Variants in PCNX4 observed in about 807,000 individuals in gnomAD.
PCNX4 encodes pecanex 4.
A neutral mutation model predicts 107.2 loss-of-function variants in PCNX4; 103 were observed. That is an observed-to-expected ratio of 0.96 (90% confidence interval 0.82 to 1.13). PCNX4 has a LOEUF of 1.13. PCNX4 is among the 50% of genes most tolerant of loss of function. The probability of loss-of-function intolerance (pLI) is 0.00; values close to 1 mark genes in which losing one functional copy is unlikely to be tolerated. For missense variants in PCNX4, 1,528 were observed against 1,379.4 expected (o/e 1.11, Z -1.71); for synonymous variants, 541 against 481.7 (o/e 1.12, Z -1.61).
At chr14:60,103,392 T>C (rs1228901045) in intron 1 of PCNX4, among the ~76,000 whole-genome samples, 1 of 152,238 alleles carries the variant, frequency 6.6e-6, no homozygotes, top group Non-Finnish European at 1.5e-5. Flanking sequence ...TTTAGTCTGC[T>C]GATATCCATT....
rs761010410 is a variant in PCNX4, at chr14:60,134,049, G to T, written c.3347G>T (p.Gly1116Val). The part of the protein sequence containing the change: ...VGKLNPEAVR[G>V]QWANLSWELL... ...AAGTTAAATCCTGAAGCTGTTAGAG[G>T]TCAGTGGGCCAATCTTTCATGGGAA... The change falls in exon 11 of 11, where the codon GGT becomes GTT. Residue 1116 changes from glycine to valine, a missense_variant. Coordinates refer to ENST00000406854, the MANE Select transcript of PCNX4 (RefSeq NM_001330177.2). 1 of 1,613,828 alleles carries T rather than the reference G, an allele frequency of 6.2e-7. No homozygotes were observed.
chr14:60,124,075 G>A (rs1896002494), intron 8 of PCNX4, 143 bp from the exon 9 acceptor site: 2 of 602,140 alleles, frequency 3.3e-6, no homozygotes, highest in Non-Finnish European at 5.5e-6. Flanking sequence ...CTTTAAGTCA[G>A]GATGTTGCTC....
In PCNX4 at chr14:60,114,974, G is replaced by T; in HGVS notation, c.870G>T (p.Arg290=). The T allele has an allele frequency of 6.3e-7, 1 of 1,591,202 alleles. No individual in the cohort carries two copies. Among genetic ancestry groups the T allele is most frequent in the Non-Finnish European group, 8.6e-7 (1 of 1,169,576 alleles). The change falls in exon 4 of 11, where the codon CGG becomes CGT. Residue 290 remains arginine, a splice_region_variant and synonymous_variant. Coordinates refer to ENST00000406854, the MANE Select transcript of PCNX4 (RefSeq NM_001330177.2). ...LGGSSMSTHL[R]LLVMFIMSAG... is the part of the protein sequence containing the mutation. ...TTTTTTCTTTTTTTTTTCTGTACAG[G>T]TTATTAGTAATGTTCATCATGTCTG... is the stretch of plus-strand genomic sequence containing the variant.
At position 60,118,244 on chromosome 14, in the gene PCNX4, T is replaced by A. The variant is rs564562636; in HGVS notation, c.1579-85T>A. The A allele has an allele frequency of 2.3e-5, 31 of 1,345,606 alleles. 1 individual carries two copies. In the South Asian group the frequency reaches 5.2e-4, roughly 22 times the overall value. The allele number at this position is 1,345,606 out of a possible 1,614,324, so 83.4% of individuals were successfully genotyped here. A position where few individuals can be genotyped will look rare whatever the true frequency, so the allele number is the denominator to read the frequency against. On this transcript the variant is annotated intron_variant, in intron 6 of 10. Transcript: ENST00000406854. ...AAAAATACTGGGGCAATAATAAAAT[T>A]ACTGTATAGTCTGTCTTATATGATC...
In PCNX4 at chr14:60,142,481, A is replaced by G. The variant is rs1896318041; in HGVS notation, c.*8260A>G. On this transcript the variant is annotated 3_prime_UTR_variant, in exon 11 of 11. Coordinates refer to ENST00000406854, the MANE Select transcript of PCNX4 (RefSeq NM_001330177.2). This position sits in a 1 kb window ranked among gnomAD's most constrained non-coding sequence, Gnocchi z 4.7. ...AACACACCATTTTCTTCCTACTTAAAAGTCCACTCAGGATAATGATTAAGA... is the reference window on the plus strand; with the variant it reads ...AACACACCATTTTCTTCCTACTTAAGAGTCCACTCAGGATAATGATTAAGA... 1 of 151,590 alleles carries G rather than the reference A, an allele frequency of 6.6e-6. No individual in the cohort carries two copies. The highest frequency in any genetic ancestry group is 2.4e-5 in the African/African-American group (1 of 41,098). 9.4% of individuals were successfully genotyped at this position (151,590 alleles called of 1,614,324 possible). A position where few individuals can be genotyped will look rare whatever the true frequency, so the allele number is the denominator to read the frequency against.
chr14:60,129,332 T>A (rs1214512077), intron 10 of PCNX4, among the ~76,000 whole-genome samples: 1 of 151,724 alleles, frequency 6.6e-6, no homozygotes, highest in Non-Finnish European at 1.5e-5. Flanking sequence ...GCAGGAGGAT[T>A]GCTTTGAGAC....
chr14:60,133,226 T>C (rs905590176), intron 10 of PCNX4, among the ~76,000 whole-genome samples: 1 of 152,226 alleles, frequency 6.6e-6, no homozygotes, highest in Non-Finnish European at 1.5e-5. Flanking sequence ...CAAATTTTAT[T>C]ATATCCATAT....
intron 5 of PCNX4, 41 bp from the exon 6 acceptor site, chr14:60,115,900 C>G (rs1382982084): frequency 1.3e-6 from 2 of 1,590,114 alleles, no homozygotes; most frequent in Non-Finnish European, 1.7e-6. Flanking sequence ...CTTAGATTAT[C>G]TAATTCTACC....
chr14:60,092,755 A>G (rs1895330179), intron 1 of PCNX4, among the ~76,000 whole-genome samples: 1 of 152,124 alleles, frequency 6.6e-6, no homozygotes, highest in Admixed American at 6.5e-5. Flanking sequence ...ATCTCCAACT[A>G]AACCTCTTTT....
At position 60,115,783 on chromosome 14, in the gene PCNX4, G is replaced by A. The variant is rs1895835598; in HGVS notation, c.1422G>A (p.Val474=). The change falls in exon 5 of 11, where the codon GTG becomes GTA. Residue 474 remains valine, a synonymous_variant. Transcript: ENST00000406854. ...GTTCCTTACAAGGGCTCCACTCAGT[G>A]TCTGTCTGTATTGGATTCACAAGAG... ...LDSSLQGLHS[V]SVCIGFTRAF... is the part of the protein sequence containing the mutation. 6.2e-7 allele frequency: 1 copy of A among 1,613,098 alleles called. No individual in the cohort carries two copies. The highest frequency in any genetic ancestry group is 8.5e-7 in the Non-Finnish European group (1 of 1,179,342).
intron 6 of PCNX4, 94 bp from the exon 7 acceptor site, chr14:60,118,235 T>TA: frequency 2.3e-6 from 3 of 1,319,016 alleles, no homozygotes; most frequent in Non-Finnish European, 2.9e-6. Context: ...ACTGGGGCAA[T>TA]AATAAAATTA....
chr14:60,110,219 T>C (rs1895715106), intron 2 of PCNX4: 1 of 167,150 alleles, frequency 6.0e-6, no homozygotes, highest in Admixed American at 6.5e-5. Context: ...ACAGTTGAAC[T>C]TCTTGGATTT....
At chr14:60,121,370 A>T in intron 8 of PCNX4, 71 bp downstream of exon 8, 2 of 1,436,752 alleles carry the variant, frequency 1.4e-6, no homozygotes, top group Non-Finnish European at 1.9e-6. Flanking sequence ...TTATGTTCAC[A>T]TCAAACACTC....
At chr14:60,108,405 CA>C in intron 2 of PCNX4, 78 bp downstream of exon 2, 8 of 1,082,292 alleles carry the variant, frequency 7.4e-6, no homozygotes, top group South Asian at 3.7e-5. Flanking sequence ...TTTAGTGTTA[CA>C]AAAAAATGAA....
In PCNX4 at chr14:60,092,165, G is replaced by T. The variant is rs993547081; in HGVS notation, c.-308G>T. On this transcript the variant is annotated 5_prime_UTR_variant, in exon 1 of 11. Coordinates refer to ENST00000406854, the MANE Select transcript of PCNX4 (RefSeq NM_001330177.2). The stretch of plus-strand genomic sequence containing the variant: ...ACCGGGGCAGCGAGGCCAGCCAGGC[G>T]CCGACGAGGTCCCCGAACGCGCACG... 1.3e-5 allele frequency: 2 copies of T among 152,330 alleles called. No individual in the cohort carries two copies. Among genetic ancestry groups the T allele is most frequent in the Non-Finnish European group, 2.9e-5 (2 of 68,108 alleles). 9.4% of individuals were successfully genotyped at this position (152,330 alleles called of 1,614,324 possible). A position where few individuals can be genotyped will look rare whatever the true frequency, so the allele number is the denominator to read the frequency against.
chr14:60,125,066 A>G lies in PCNX4; in HGVS notation c.2895A>G (p.Lys965=). The G allele has an allele frequency of 6.2e-7, 1 of 1,613,554 alleles. No homozygotes were observed. The highest frequency in any genetic ancestry group is 8.5e-7 in the Non-Finnish European group (1 of 1,179,698). Reference sequence around the variant, plus strand: ...TACTGGAAGAAATTGCCAAGGACAAAGTTTTAAAAGACTTTTATGTTCATA... The same window carrying G: ...TACTGGAAGAAATTGCCAAGGACAAGGTTTTAAAAGACTTTTATGTTCATA... ...SNVLEEIAKD[K]VLKDFYVHTV... The change falls in exon 9 of 11, where the codon AAA becomes AAG. Residue 965 remains lysine, a synonymous_variant. Transcript: ENST00000406854.
intron 1 of PCNX4, among the ~76,000 whole-genome samples, chr14:60,093,699 G>A (rs913300857): frequency 6.6e-6 from 1 of 152,144 alleles, no homozygotes; most frequent in Admixed American, 6.5e-5. Flanking sequence ...TCTGTTGGGT[G>A]TATACCTGAG....
rs1566931598 is a variant in PCNX4, at chr14:60,107,804, G to A, written c.166G>A (p.Gly56Arg). Residue 56 changes from glycine (G) to arginine (R), a missense_variant, in exon 2 of 11, where the codon GGA becomes AGA. Gly to Arg is a moderately radical substitution (Grantham distance 125, BLOSUM62 -2). Transcript: ENST00000406854. The part of the protein sequence containing the change: ...ILFLMPWVWG[G>R]VGTLLYQLGI... Reference sequence around the variant, plus strand: ...TTTTCTAATGCCATGGGTTTGGGGTGGAGTCGGAACACTTTTATACCAGTT... The same window carrying A: ...TTTTCTAATGCCATGGGTTTGGGGTAGAGTCGGAACACTTTTATACCAGTT... 6.2e-7 allele frequency: 1 copy of A among 1,612,622 alleles called. No homozygotes were observed. The highest frequency in any genetic ancestry group is 8.5e-7 in the Non-Finnish European group (1 of 1,179,806).
intron 2 of PCNX4, chr14:60,110,242 T>C (rs1017542000): frequency 1.8e-5 from 3 of 167,118 alleles, no homozygotes; most frequent in African/African-American, 7.2e-5. Context: ...CAGGATGTAA[T>C]GATAGAACTG....
Sources: gnomAD v4.1 joint callset for allele counts (sites outside exome capture counted in the v4.1 genomes callset) on GRCh38, gnomAD v4.1.1 for gene constraint, Gnocchi (gnomAD v3.1) non-coding constraint, MANE v1.5 for transcripts, NCBI Gene and HGNC (gene_info 2026-07-23, HGNC 2026-07-21) for gene names.